Variants in C2 observed in about 807,000 individuals in gnomAD.
C2 encodes complement C2.
A neutral mutation model predicts 85.2 loss-of-function variants in C2; 64 were observed. The observed-to-expected ratio is 0.75, with a 90% CI of 0.61 to 0.92. The LOEUF is 0.92. Ranked by LOEUF, C2 falls within the 40% of genes least tolerant of loss-of-function variation. The probability of loss-of-function intolerance (pLI) is 0.00; values close to 1 mark genes in which losing one functional copy is unlikely to be tolerated. For missense variants in C2, 820 were observed against 971.6 expected, an observed-to-expected ratio of 0.84 and a Z score of 2.07; for synonymous variants, 311 against 370.8, an observed-to-expected ratio of 0.84 and a Z score of 1.85.
At chr6:31,908,169 A>C (rs1355391907) in intron 1 of C2, among the ~76,000 whole-genome samples, 1 of 149,062 alleles carries the variant, frequency 6.7e-6, no homozygotes, top group Non-Finnish European at 1.5e-5. Context: ...TTTTAATTAA[A>C]AGTGGCAAGA....
chr6:31,916,974 C>T (rs886669210), upstream of C2, among the ~76,000 whole-genome samples: 19 of 149,940 alleles, frequency 1.3e-4, no homozygotes, highest in Admixed American at 3.4e-4. Context: ...GAATTTGAGA[C>T]CAGCCTGGCA....
chr6:31,945,177 G>A lies in C2; in HGVS notation c.2080-1G>A. On this transcript the variant is annotated splice_acceptor_variant, in intron 17 of 17. Transcript: ENST00000299367. LOFTEE classifies it high-confidence loss of function. The surrounding 1 kb of genome is among the most constrained non-coding windows in gnomAD (Gnocchi z 5.3). Reference sequence around the variant, plus strand: ...CCAGCCAGTTCTCTCCTTTTCTCCAGGTGGGTCTGGTGAGCTGGGGTCTTT... The same window carrying A: ...CCAGCCAGTTCTCTCCTTTTCTCCAAGTGGGTCTGGTGAGCTGGGGTCTTT... 2.5e-6 allele frequency: 4 copies of A among 1,612,922 alleles called. No homozygotes were observed. The highest frequency in any genetic ancestry group is 2.7e-5 in the African/African-American group (2 of 74,988).
At chr6:31,927,156 G>A (rs1769322220), upstream of C2, among the ~76,000 whole-genome samples, 1 of 152,176 alleles carries the variant, frequency 6.6e-6, no homozygotes, top group Non-Finnish European at 1.5e-5. This position sits in a 1 kb window ranked among gnomAD's most constrained non-coding sequence, Gnocchi z 4.7. Flanking sequence ...GAATAAAAAA[G>A]TATTGTCAAT....
intron 3 of C2, among the ~76,000 whole-genome samples, chr6:31,930,667 C>T (rs913758450): frequency 1.3e-5 from 2 of 152,196 alleles, no homozygotes; most frequent in Non-Finnish European, 2.9e-5. Flanking sequence ...ATACAGAAGA[C>T]ACGGAGTCCA....
rs1411918230 is a variant in C2 at position 31,904,495 on chromosome 6, G to T, written c.73+3356G>T. Among the ~76,000 whole-genome samples, 1 of 151,882 alleles carries T rather than the reference G, an allele frequency of 6.6e-6. No homozygotes were observed. The highest frequency in any genetic ancestry group is 1.5e-5 in the Non-Finnish European group (1 of 68,006). On this transcript the variant is annotated intron_variant, in intron 1 of 3. Coordinates refer to the C2 transcript ENST00000452202. The surrounding 1 kb of genome is among the most constrained non-coding windows in gnomAD (Gnocchi z 4.4). ...TGCCTAGCTAATTTTCGCATTTTTA[G>T]TAGAGACGGGGTTTCACCATGTTGG...
intron 3 of C2, chr6:31,932,455 A>G: frequency 3.5e-6 from 1 of 282,712 alleles, no homozygotes; most frequent in South Asian, 2.6e-5. Flanking sequence ...GGCCGGGCAG[A>G]GACGCTCCTC....
Position 31,944,024 on chromosome 6 carries a change from C to G in C2, c.1810+31C>G. The G allele has an allele frequency of 6.2e-7, 1 of 1,608,190 alleles. No individual in the cohort carries two copies. Among genetic ancestry groups the G allele is most frequent in the Non-Finnish European group, 8.5e-7 (1 of 1,175,662 alleles). ...TGCTGGGACTTATGGTGCTTGAGAG[C>G]TGGGGCCGGGGTTTGGGGGTGATAA... On this transcript the variant is annotated intron_variant, in intron 14 of 17. Transcript: ENST00000299367. This position sits in a 1 kb window ranked among gnomAD's most constrained non-coding sequence, Gnocchi z 5.1.
chr6:31,913,961 C>T (rs1454784190), intron 1 of C2, among the ~76,000 whole-genome samples: 1 of 148,258 alleles, frequency 6.7e-6, no homozygotes, highest in Admixed American at 6.9e-5. Flanking sequence ...GACGGAATCT[C>T]GCTCTGTCAC....
rs199550124 is a variant in C2, at chr6:31,928,950, G to C, written c.442+33G>C. 72 of 1,579,670 alleles carry C rather than the reference G, an allele frequency of 4.6e-5. 1 individual carries two copies. The African/African-American group carries it at 6.7e-4, about 15-fold the overall frequency. On this transcript the variant is annotated intron_variant, in intron 3 of 17. Coordinates refer to ENST00000299367, the MANE Select transcript of C2 (RefSeq NM_000063.6). ...CTCTGGCTGATGGGCTACACAGGGG[G>C]CTGGGGTCTCCTGGGGAACCCTGGG...
chr6:31,937,348 T>C lies in C2; in HGVS notation c.1018T>C (p.Tyr340His), dbSNP rs1307948082. ...DHENGTGTNT[Y>H]AALNSVYLMM... ...TGAAAATGGAACTGGGACTAACACC[T>C]ATGCGGCCTTAAACAGTGTCTATCT... Residue 340 changes from tyrosine (Y) to histidine (H), a missense_variant, in exon 8 of 18, where the codon TAT becomes CAT. Transcript: ENST00000299367. 1 of 1,612,794 alleles carries C rather than the reference T, an allele frequency of 6.2e-7. No individual in the cohort carries two copies. The highest frequency in any genetic ancestry group is 1.3e-5 in the African/African-American group (1 of 74,896).
upstream of C2, among the ~76,000 whole-genome samples, chr6:31,925,444 C>T (rs1462707819): frequency 6.6e-6 from 1 of 152,086 alleles, no homozygotes; most frequent in Non-Finnish European, 1.5e-5. Flanking sequence ...AGGCGTATGC[C>T]ACCACGCCCA....
At chr6:31,937,586 A>G in intron 8 of C2, 127 bp downstream of exon 8, 1 of 1,131,846 alleles carries the variant, frequency 8.8e-7, no homozygotes, top group Non-Finnish European at 1.3e-6. Flanking sequence ...TTGTTTTTAG[A>G]GATGGGGCCT....
At chr6:31,931,102 A>C (rs980478929) in intron 3 of C2, among the ~76,000 whole-genome samples, 3 of 152,042 alleles carry the variant, frequency 2.0e-5, no homozygotes, top group Non-Finnish European at 4.4e-5. Context: ...TCTGCCTGTG[A>C]GATTTATCCA....
chr6:31,901,096 C>G, exon 1 of C2: 1 of 1,614,126 alleles, frequency 6.2e-7, no homozygotes, highest in Non-Finnish European at 8.5e-7. Context: ...GGGAGACCTG[C>G]AGCTCCGAGC....
At chr6:31,925,611 T>C (rs1769215454), upstream of C2, among the ~76,000 whole-genome samples, 4 of 152,118 alleles carry the variant, frequency 2.6e-5, no homozygotes, top group Admixed American at 2.6e-4. Context: ...GCTTTCGATA[T>C]CACCCAGGGA....
chr6:31,937,745 G>A (rs9332722), intron 8 of C2, among the ~76,000 whole-genome samples: 1,672 of 150,850 alleles, frequency 0.011, 24 homozygotes, highest in African/African-American at 0.033. Flanking sequence ...GCTTATGCCT[G>A]TAGTCCCAGC....
At chr6:31,898,296 G>T (rs1321032704), upstream of C2, among the ~76,000 whole-genome samples, 2 of 152,186 alleles carry the variant, frequency 1.3e-5, no homozygotes, top group African/African-American at 4.8e-5. Context: ...CGGCCCGAAC[G>T]TCATTACTGA....
chr6:31,930,489 T>G (rs1251996682), intron 3 of C2, among the ~76,000 whole-genome samples: 2 of 152,232 alleles, frequency 1.3e-5, no homozygotes, highest in Non-Finnish European at 2.9e-5. Flanking sequence ...TAGCTGGGAA[T>G]GCAGGCATGT....
chr6:31,916,750 CTTT>C (rs67751925), upstream of C2, among the ~76,000 whole-genome samples: 13 of 110,912 alleles, frequency 1.2e-4, no homozygotes, highest in African/African-American at 1.4e-4. Context: ...GTTCTCTGCC[CTTT>C]TTTTTTTTTT....
Sources: gnomAD v4.1 joint callset for allele counts (sites outside exome capture counted in the v4.1 genomes callset) on GRCh38, gnomAD v4.1.1 for gene constraint, Gnocchi (gnomAD v3.1) non-coding constraint, MANE v1.5 for transcripts, NCBI Gene and HGNC (gene_info 2026-07-23, HGNC 2026-07-21) for gene names.